Variants in LSAMP observed in about 807,000 individuals in gnomAD.
The protein encoded by LSAMP is limbic system-associated membrane protein.
LSAMP carries 7 observed loss-of-function variants against 38.6 expected under a neutral mutation model. The observed-to-expected ratio is 0.18, with a 90% CI of 0.10 to 0.34. The LOEUF is 0.34. Ranked by LOEUF, LSAMP falls within the 10% of genes least tolerant of loss-of-function variation. The pLI is 1.00. For synonymous variants in LSAMP, 154 were observed against 166.8 expected, an observed-to-expected ratio of 0.92 and a Z score of 0.59; for missense variants, 313 against 420.0, an observed-to-expected ratio of 0.75 and a Z score of 2.23.
chr3:115,893,988 C>T (rs1936666665), intron 3 of LSAMP, among the ~76,000 whole-genome samples: 1 of 152,034 alleles, frequency 6.6e-6, no homozygotes, highest in Non-Finnish European at 1.5e-5. Flanking sequence ...CAGCTTCTGA[C>T]CCCTCCTGTG....
chr3:116,000,887 G>A (rs1231671392), intron 3 of LSAMP, among the ~76,000 whole-genome samples: 1 of 152,138 alleles, frequency 6.6e-6, no homozygotes, highest in Non-Finnish European at 1.5e-5. Flanking sequence ...GAGTAACCAT[G>A]GGACCTCCTT....
intron 2 of LSAMP, among the ~76,000 whole-genome samples, chr3:116,084,473 C>CA (rs1553702371): frequency 2.8e-5 from 4 of 140,746 alleles, no homozygotes; most frequent in South Asian, 2.2e-4. Flanking sequence ...AAAAAAAAAC[C>CA]AAAAAAAACC....
chr3:115,983,868 T>C (rs960909203), intron 3 of LSAMP, among the ~76,000 whole-genome samples: 1 of 152,178 alleles, frequency 6.6e-6, no homozygotes, highest in Non-Finnish European at 1.5e-5. Context: ...GTATTCTTGA[T>C]GTTGGCACAA....
intron 1 of LSAMP, among the ~76,000 whole-genome samples, chr3:116,162,668 T>C (rs1709922759): frequency 6.8e-6 from 1 of 147,544 alleles, no homozygotes; most frequent in Non-Finnish European, 1.5e-5. Context: ...ATAGTGGCTC[T>C]TCACTGGTTC....
At chr3:116,343,190 T>G (rs564328273) in intron 1 of LSAMP, among the ~76,000 whole-genome samples, 1 of 152,228 alleles carries the variant, frequency 6.6e-6, no homozygotes, top group Non-Finnish European at 1.5e-5. Flanking sequence ...CTACTTGTGA[T>G]GGATTTGGAA....
At chr3:116,110,455 G>C (rs913165177) in intron 1 of LSAMP, among the ~76,000 whole-genome samples, 1 of 152,180 alleles carries the variant, frequency 6.6e-6, no homozygotes, top group African/African-American at 2.4e-5. Flanking sequence ...CCAAGGGAAG[G>C]CTGCCTTCCC....
At chr3:115,935,225 C>T (rs926578120) in intron 3 of LSAMP, among the ~76,000 whole-genome samples, 5 of 152,104 alleles carry the variant, frequency 3.3e-5, no homozygotes, top group African/African-American at 7.2e-5. Flanking sequence ...AAGTTCATTT[C>T]GTACAGGCAG....
In LSAMP at chr3:116,275,958, C is replaced by T. The variant is rs116481671; in HGVS notation, c.155+168919G>A. On this transcript the variant is annotated intron_variant, in intron 1 of 6. Transcript: ENST00000490035. ...ACTTTTCATTTCATTATGTAAATTA[C>T]GTAAAGTTTTTGAACTATGTATAAT... 3.9e-3 allele frequency among the ~76,000 whole-genome samples: 588 copies of T among 152,174 alleles called. 3 individuals are homozygous for T. The highest frequency in any genetic ancestry group is 0.013 in the African/African-American group (557 of 41,530).
intron 1 of LSAMP, among the ~76,000 whole-genome samples, chr3:116,329,996 T>C (rs749894099): frequency 4.6e-5 from 7 of 152,222 alleles, no homozygotes; most frequent in Non-Finnish European, 1.0e-4. Context: ...ATGTCTCTTT[T>C]CTACATCACT....
chr3:116,395,906 T>C (rs1369936146), intron 1 of LSAMP, among the ~76,000 whole-genome samples: 2 of 152,214 alleles, frequency 1.3e-5, no homozygotes, highest in Admixed American at 6.5e-5. Context: ...AAAAATGATA[T>C]GACAGCTTCA....
At chr3:115,946,229 G>A (rs1576244133) in intron 3 of LSAMP, among the ~76,000 whole-genome samples, 2 of 152,156 alleles carry the variant, frequency 1.3e-5, no homozygotes, top group South Asian at 4.1e-4. Flanking sequence ...TACAAACTGA[G>A]AGTAGAATGA....
chr3:115,875,452 C>G (rs986137437), intron 3 of LSAMP, among the ~76,000 whole-genome samples: 1 of 151,984 alleles, frequency 6.6e-6, no homozygotes, highest in African/African-American at 2.4e-5. Flanking sequence ...AAATAGAAAC[C>G]TATTACTAAA....
intron 6 of LSAMP, among the ~76,000 whole-genome samples, chr3:115,818,822 A>ATATATATATATATAT (rs55828725): frequency 1.7e-3 from 207 of 124,982 alleles, no homozygotes; most frequent in East Asian, 3.3e-3. Flanking sequence ...ATATATATAT[A>ATATATATATATATAT]ACTGCAGCAA....
intron 1 of LSAMP, among the ~76,000 whole-genome samples, chr3:116,433,502 T>C (rs1192016775): frequency 6.6e-6 from 1 of 152,172 alleles, no homozygotes; most frequent in Non-Finnish European, 1.5e-5. Flanking sequence ...TTTGGGATTA[T>C]TGCAAACTCC....
At chr3:116,067,789 A>T (rs913376807) in intron 2 of LSAMP, among the ~76,000 whole-genome samples, 22 of 150,654 alleles carry the variant, frequency 1.5e-4, no homozygotes, top group South Asian at 4.2e-4. Context: ...GTTTTTTTTT[A>T]AAAGTCTGCA....
intron 6 of LSAMP, among the ~76,000 whole-genome samples, chr3:115,841,363 G>A (rs1934990496): frequency 6.6e-6 from 1 of 151,992 alleles, no homozygotes. Flanking sequence ...CCTTCCTCTT[G>A]TGTTGTTAAA....
intron 1 of LSAMP, among the ~76,000 whole-genome samples, chr3:116,256,853 G>A (rs1002460005): frequency 2.0e-5 from 3 of 152,148 alleles, no homozygotes; most frequent in African/African-American, 7.2e-5. Flanking sequence ...ACTGAGTCAC[G>A]TGTCATGAGT....
intron 1 of LSAMP, among the ~76,000 whole-genome samples, chr3:116,108,990 T>G (rs1443902348): frequency 3.3e-5 from 5 of 152,204 alleles, no homozygotes; most frequent in Non-Finnish European, 7.3e-5. Context: ...TGGAGTTTTA[T>G]TTAATGTCGG....
At chr3:116,140,189 T>C (rs1418605391) in intron 1 of LSAMP, among the ~76,000 whole-genome samples, 1 of 151,958 alleles carries the variant, frequency 6.6e-6, no homozygotes, top group East Asian at 1.9e-4. Flanking sequence ...TAAGATGTGG[T>C]GTATAATTTC....
Sources: allele counts gnomAD v4.1 joint callset (sites outside exome capture counted in the v4.1 genomes callset), GRCh38; gene constraint gnomAD v4.1.1; transcripts MANE v1.5; gene names NCBI Gene and HGNC (gene_info 2026-07-23, HGNC 2026-07-21).